Variants in C5 observed in about 807,000 individuals in gnomAD.
C5 encodes the protein C3 and PZP-like alpha-2-macroglobulin domain-containing protein 4.
C5 carries 140 observed loss-of-function variants against 218.8 expected under a neutral mutation model. That is an observed-to-expected ratio of 0.64 (90% CI 0.56 to 0.74). The LOEUF (loss-of-function observed/expected upper bound fraction) is 0.74. Among genes scored for constraint, C5 ranks in the 30% least tolerant of loss-of-function variants. C5 has a pLI of 0.00. For missense variants in C5, 1,700 were observed against 1,969.6 expected (o/e 0.86, Z 2.59); for synonymous variants, 614 against 682.3 (o/e 0.90, Z 1.56).
intron 39 of C5, 23 bp downstream of exon 39, chr9:120,957,262 C>T (rs10985107): frequency 1.6e-5 from 24 of 1,514,500 alleles, no homozygotes; most frequent in African/African-American, 9.6e-5. Flanking sequence ...AATGAAGGAA[C>T]GAATGAACGA....
chr9:121,036,153 T>C (rs1196465520), intron 4 of C5, among the ~76,000 whole-genome samples: 1 of 152,220 alleles, frequency 6.6e-6, no homozygotes, highest in African/African-American at 2.4e-5. Context: ...AGAGGTTTTA[T>C]TTCGTAATTA....
At chr9:121,014,401 A>G (rs1366822981) in intron 16 of C5, among the ~76,000 whole-genome samples, 2 of 152,218 alleles carry the variant, frequency 1.3e-5, no homozygotes, top group East Asian at 1.9e-4. Context: ...TTTTAAGAAA[A>G]TAAGTTAAAT....
At position 121,021,563 on chromosome 9, in the gene C5, T is replaced by A; in HGVS notation, c.1248A>T (p.Gly416=). 1 of 1,613,920 alleles carries A rather than the reference T, an allele frequency of 6.2e-7. No homozygotes were observed. Residue 416 remains glycine, a synonymous_variant, in exon 11 of 41, where the codon GGA becomes GGT. Coordinates refer to ENST00000223642, the MANE Select transcript of C5 (RefSeq NM_001735.3). ...GGAGATTAAGCACAAAGGAAGCTAC[T>A]CCATCATCAACACGTGTTACACTTT... ...PSKSVTRVDD[G]VASFVLNLPS...
chr9:121,061,653 T>C, the C5 span, among the ~76,000 whole-genome samples: 1 of 152,260 alleles, frequency 6.6e-6, no homozygotes, highest in East Asian at 1.9e-4. Context: ...TTAATAACTT[T>C]AATTATTGGC....
chr9:121,070,979 T>G, the C5 span, among the ~76,000 whole-genome samples: 1 of 152,142 alleles, frequency 6.6e-6, no homozygotes. Flanking sequence ...TCACTATGTA[T>G]CCCATAAATA....
At chr9:120,976,506 T>A (rs1386242760) in intron 29 of C5, among the ~76,000 whole-genome samples, 194 bp downstream of exon 29, 1 of 152,206 alleles carries the variant, frequency 6.6e-6, no homozygotes, top group African/African-American at 2.4e-5. Context: ...TGAGTAAAAC[T>A]CCCTGGGCTA....
At chr9:121,001,920 C>T (rs2047164520) in intron 20 of C5, among the ~76,000 whole-genome samples, 1 of 151,954 alleles carries the variant, frequency 6.6e-6, no homozygotes, top group Admixed American at 6.6e-5. Flanking sequence ...TAAATGCAGA[C>T]TTTGCAAAAT....
chr9:120,974,569 A>G (rs377101442), intron 30 of C5, among the ~76,000 whole-genome samples: 1 of 152,324 alleles, frequency 6.6e-6, no homozygotes, highest in South Asian at 2.1e-4. Context: ...ATCTGCTTAA[A>G]TGACAATCTC....
At position 121,043,700 on chromosome 9, in the gene C5, CTTTTT is replaced by C. The variant is rs34794535; in HGVS notation, c.259-539_259-535del. Among the ~76,000 whole-genome samples, 17 of 120,644 alleles carry C rather than the reference CTTTTT, an allele frequency of 1.4e-4. 1 individual carries two copies. Among genetic ancestry groups the C allele is most frequent in the East Asian group, 9.9e-4 (4 of 4,048 alleles). The allele number at this position is 120,644 out of a possible 152,430, so 79.1% of individuals were successfully genotyped here. On this transcript the variant is annotated intron_variant, in intron 2 of 40. Transcript: ENST00000223642. ...GGTGTGCGCCACCATGTCCAGCTAA[CTTTTT>C]TTTTTTTTTTTTTTTGTATTTTTAA...
the C5 span, among the ~76,000 whole-genome samples, chr9:121,071,709 C>G: frequency 6.6e-6 from 1 of 152,224 alleles, no homozygotes; most frequent in Non-Finnish European, 1.5e-5. Flanking sequence ...CAAAATCACA[C>G]TGGCCAGTCA....
chr9:121,046,042 C>T (rs567154517), intron 2 of C5, 149 bp downstream of exon 2: 12 of 415,058 alleles, frequency 2.9e-5, no homozygotes, highest in Middle Eastern at 6.6e-4. Flanking sequence ...TTTTCACTTA[C>T]ATTATCATTA....
intron 20 of C5, among the ~76,000 whole-genome samples, chr9:121,005,579 G>A (rs2047209063): frequency 6.6e-6 from 1 of 152,094 alleles, no homozygotes; most frequent in African/African-American, 2.4e-5. Context: ...ATGGAGGAAA[G>A]GGTTGTTAGA....
intron 31 of C5, among the ~76,000 whole-genome samples, chr9:120,971,180 A>G (rs906498784): frequency 2.9e-4 from 44 of 151,110 alleles, no homozygotes; most frequent in Non-Finnish European, 7.4e-5. Flanking sequence ...TCAAAAAAAA[A>G]AAAAAAAAGA....
intron 32 of C5, among the ~76,000 whole-genome samples, chr9:120,969,649 G>C (rs183005910): frequency 2.6e-5 from 4 of 152,132 alleles, no homozygotes; most frequent in Non-Finnish European, 5.9e-5. Context: ...AGGGTCAGGG[G>C]TACATTTAAA....
chr9:121,055,219 G>T (rs1224099169), upstream of C5, among the ~76,000 whole-genome samples: 1 of 151,962 alleles, frequency 6.6e-6, no homozygotes, highest in Non-Finnish European at 1.5e-5. Flanking sequence ...CCTGCTTCAG[G>T]CATACTTCCT....
intron 31 of C5, 101 bp from the exon 32 acceptor site, chr9:120,970,352 C>A: frequency 1.3e-6 from 1 of 776,830 alleles, no homozygotes; most frequent in Non-Finnish European, 2.3e-6. Context: ...CTCGAAGGAT[C>A]ATTTTCATAA....
intron 1 of C5, among the ~76,000 whole-genome samples, chr9:121,049,821 C>A (rs755372722): frequency 9.2e-5 from 14 of 152,032 alleles, no homozygotes; most frequent in Non-Finnish European, 1.9e-4. Context: ...CCTAAATAAC[C>A]CTGGTTTAAC....
chr9:121,010,597 AAACACCAAT>A (rs2047253643), intron 17 of C5, among the ~76,000 whole-genome samples: 1 of 152,210 alleles, frequency 6.6e-6, no homozygotes, highest in South Asian at 2.1e-4. Context: ...ATCTCTATGA[AAACACCAAT>A]AACATTCTTT....
At chr9:121,040,361 G>A (rs998931115) in intron 3 of C5, among the ~76,000 whole-genome samples, 2 of 152,308 alleles carry the variant, frequency 1.3e-5, no homozygotes, top group Non-Finnish European at 1.5e-5. Context: ...AGCTGGGGAA[G>A]AAGGCAGGAC....
Sources: gnomAD v4.1 joint callset for allele counts (sites outside exome capture counted in the v4.1 genomes callset) on GRCh38, gnomAD v4.1.1 for gene constraint, MANE v1.5 for transcripts, NCBI Gene and HGNC (gene_info 2026-07-23, HGNC 2026-07-21) for gene names.